Variants in ADGRV1 observed in about 807,000 individuals in gnomAD.
ADGRV1 encodes adhesion G protein-coupled receptor V1, also known as G-protein coupled receptor 98.
In ADGRV1, 359 loss-of-function variants were observed where a neutral mutation model predicts 596.2. The observed-to-expected ratio is 0.60, with a 90% CI of 0.55 to 0.66. ADGRV1 has a LOEUF of 0.66. Ranked by LOEUF, ADGRV1 falls within the 30% of genes least tolerant of loss-of-function variation. ADGRV1 has a pLI of 0.00. For missense variants in ADGRV1, 7,274 were observed against 7,575.6 expected, an observed-to-expected ratio of 0.96 and a Z score of 1.48; for synonymous variants, 2,681 against 2,679.2, an observed-to-expected ratio of 1.00 and a Z score of -0.02.
chr5:90,880,137 C>CAGT (rs563061840), intron 83 of ADGRV1, among the ~76,000 whole-genome samples: 12 of 152,174 alleles, frequency 7.9e-5, no homozygotes, highest in African/African-American at 2.9e-4. Flanking sequence ...ATAGTGCTAT[C>CAGT]AGTAGACATT....
Position 90,861,540 on chromosome 5 carries a change from A to C in ADGRV1, c.17756-2217A>C, listed in dbSNP as rs562264907. Among the ~76,000 whole-genome samples the C allele has an allele frequency of 1.8e-4, 27 of 151,458 alleles. No homozygotes were observed. The East Asian group carries it at 4.1e-3, about 23-fold the overall frequency. ...TAGCCAGGATGGTCTCGATCTCCTG[A>C]CCTCGTGATCTGCCCACCTTGGCCT... is the stretch of plus-strand genomic sequence containing the variant. On this transcript the variant is annotated intron_variant, in intron 82 of 89. Transcript: ENST00000405460.
At chr5:91,057,691 T>G (rs2151333307) in intron 85 of ADGRV1, among the ~76,000 whole-genome samples, 1 of 152,292 alleles carries the variant, frequency 6.6e-6, no homozygotes, top group East Asian at 1.9e-4. Context: ...TGAAGCCAAT[T>G]TTTTTTGGAT....
At position 90,622,676 on chromosome 5, in the gene ADGRV1, A is replaced by G. The variant is rs773569257; in HGVS notation, c.533A>G (p.Tyr178Cys). The G allele has an allele frequency of 1.1e-5, 17 of 1,548,884 alleles. No homozygotes were observed. In the Middle Eastern group the frequency reaches 5.1e-4, roughly 46 times the overall value. The change falls in exon 5 of 90, where the codon TAT becomes TGT. Residue 178 changes from tyrosine (Y) to cysteine (C), a missense_variant. Tyr to Cys is a radical substitution (Grantham distance 194). Coordinates refer to ENST00000405460, the MANE Select transcript of ADGRV1 (RefSeq NM_032119.4). ...PLTLIREKGT[Y>C]GMVMVTFEVE... The stretch of plus-strand genomic sequence containing the variant: ...ACTCTCATCAGGGAAAAGGGAACCT[A>G]TGGAATGGTCATGGTGACTTTTGAG...
intron 21 of ADGRV1, among the ~76,000 whole-genome samples, chr5:90,671,471 A>C (rs935169392): frequency 2.0e-5 from 3 of 152,192 alleles, no homozygotes; most frequent in Non-Finnish European, 2.9e-5. Flanking sequence ...GATCCTCTTT[A>C]CCATGAGAAC....
chr5:91,145,418 G>A (rs978112723), intron 87 of ADGRV1, among the ~76,000 whole-genome samples: 4 of 152,150 alleles, frequency 2.6e-5, no homozygotes, highest in South Asian at 4.1e-4. Context: ...AATCAGTAAC[G>A]TTTGCACAAT....
At chr5:90,985,159 A>C (rs1780385047) in intron 84 of ADGRV1, among the ~76,000 whole-genome samples, 185 bp from the exon 85 acceptor site, 2 of 152,228 alleles carry the variant, frequency 1.3e-5, no homozygotes, top group Admixed American at 6.5e-5. Context: ...GGTATCCTGA[A>C]TTTCTTGGAT....
chr5:90,788,373 T>C, intron 68 of ADGRV1, 63 bp downstream of exon 68: 2 of 1,430,164 alleles, frequency 1.4e-6, no homozygotes, highest in Admixed American at 2.1e-5. Context: ...AAAATACATT[T>C]ACATTTGTTG....
chr5:90,674,267 C>T, intron 23 of ADGRV1, 33 bp downstream of exon 23: 2 of 1,507,484 alleles, frequency 1.3e-6, no homozygotes, highest in Non-Finnish European at 8.9e-7. Context: ...AAAATCCTCT[C>T]TTCTCTGGGT....
intron 87 of ADGRV1, among the ~76,000 whole-genome samples, chr5:91,125,579 G>A (rs1315149292): frequency 6.6e-6 from 1 of 152,158 alleles, no homozygotes; most frequent in East Asian, 1.9e-4. Context: ...TCCAGTTAGA[G>A]TGCCATCCCT....
intron 87 of ADGRV1, among the ~76,000 whole-genome samples, chr5:91,104,324 T>G (rs1393700574): frequency 6.6e-6 from 1 of 152,226 alleles, no homozygotes; most frequent in African/African-American, 2.4e-5. Context: ...TGACACATAA[T>G]AATTGTATAT....
chr5:90,876,286 G>T (rs1769211366), intron 83 of ADGRV1, among the ~76,000 whole-genome samples: 1 of 152,102 alleles, frequency 6.6e-6, no homozygotes, highest in African/African-American at 2.4e-5. Flanking sequence ...GCATGGTTTT[G>T]TACCTTGGAA....
At chr5:90,915,745 C>A (rs757220432) in intron 83 of ADGRV1, among the ~76,000 whole-genome samples, 1 of 152,102 alleles carries the variant, frequency 6.6e-6, no homozygotes, top group African/African-American at 2.4e-5. Context: ...TAAGTTGGCA[C>A]GCTTCATCAT....
rs768181552 is a variant in ADGRV1, at chr5:90,689,889, T to C, written c.6519T>C (p.Asp2173=). ...AGEDYSIASS[D]VVLLEGETSK... ...AAGATTATAGTATAGCTTCATCAGA[T>C]GTGGTCTTGCTAGAAGGGGAAACCA... The change falls in exon 30 of 90, where the codon GAT becomes GAC. Residue 2173 remains aspartate, a synonymous_variant. Coordinates refer to ENST00000405460, the MANE Select transcript of ADGRV1 (RefSeq NM_032119.4). 1 of 1,612,986 alleles carries C rather than the reference T, an allele frequency of 6.2e-7. No individual in the cohort carries two copies. The highest frequency in any genetic ancestry group is 1.1e-5 in the South Asian group (1 of 90,950).
intron 87 of ADGRV1, among the ~76,000 whole-genome samples, chr5:91,125,494 A>G (rs1412822660): frequency 6.6e-6 from 1 of 152,154 alleles, no homozygotes; most frequent in Non-Finnish European, 1.5e-5. Flanking sequence ...GTCCATAGAG[A>G]ATCCAGGCGA....
At chr5:90,598,713 G>A (rs959089422) in intron 1 of ADGRV1, among the ~76,000 whole-genome samples, 19 of 152,154 alleles carry the variant, frequency 1.2e-4, no homozygotes, top group African/African-American at 4.6e-4. Flanking sequence ...ACAAGTAGGG[G>A]AGCTCCAAGA....
chr5:90,703,707 G>T lies in ADGRV1; in HGVS notation c.8198G>T (p.Arg2733Leu), dbSNP rs749383906. ...CATGTGATAAGAACTTTCCCTGGTC[G>T]AGGAAATGTTACTGTTAACTGGAAA... is the stretch of plus-strand genomic sequence containing the variant. ...QFHVIRTFPG[R>L]GNVTVNWKII... Residue 2733 changes from arginine (R) to leucine (L), a missense_variant, in exon 35 of 90, where the codon CGA becomes CTA. Physicochemically the swap from Arg to Leu is moderately radical, Grantham distance 102 (BLOSUM62 -2). Transcript: ENST00000405460. 7.5e-6 allele frequency: 12 copies of T among 1,605,228 alleles called. No individual in the cohort carries two copies. The highest frequency in any genetic ancestry group is 9.4e-6 in the Non-Finnish European group (11 of 1,174,702).
At chr5:90,746,558 G>T (rs570497198) in intron 52 of ADGRV1, among the ~76,000 whole-genome samples, 154 of 152,250 alleles carry the variant, frequency 1.0e-3, no homozygotes, top group African/African-American at 3.1e-3. Flanking sequence ...GAGCTTCGGG[G>T]TTAGTTGGAT....
At position 90,787,333 on chromosome 5, in the gene ADGRV1, AT is replaced by A. The variant is rs1759561095; in HGVS notation, c.13654-735del. On this transcript the variant is annotated intron_variant, in intron 67 of 89. Coordinates refer to ENST00000405460, the MANE Select transcript of ADGRV1 (RefSeq NM_032119.4). ...TCTTTTACACTAGGAATATAAGTAGATTTAGCATTTTTGCATGGTCTACAGC... is the reference window on the plus strand; with the variant it reads ...TCTTTTACACTAGGAATATAAGTAGATTAGCATTTTTGCATGGTCTACAGC... Among the ~76,000 whole-genome samples, 8 of 152,252 alleles carry A rather than the reference AT, an allele frequency of 5.3e-5. No individual in the cohort carries two copies. In the South Asian group the frequency reaches 1.7e-3, roughly 32 times the overall value.
At chr5:90,893,839 G>C (rs763114547) in intron 83 of ADGRV1, among the ~76,000 whole-genome samples, 7 of 152,034 alleles carry the variant, frequency 4.6e-5, no homozygotes, top group African/African-American at 1.4e-4. Context: ...AGTGACAAAA[G>C]GTTGTTCATT....
Sources: gnomAD v4.1 joint callset for allele counts (sites outside exome capture counted in the v4.1 genomes callset) on GRCh38, gnomAD v4.1.1 for gene constraint, MANE v1.5 for transcripts, NCBI Gene and HGNC (gene_info 2026-07-23, HGNC 2026-07-21) for gene names.